FAM120A: variants seen among roughly 807,000 people sequenced by gnomAD.
FAM120A encodes family with sequence similarity 120 member A.
Under a neutral mutation model 109.7 loss-of-function variants are expected in FAM120A, and 15 were observed. That is an observed-to-expected ratio of 0.14 (90% CI 0.09 to 0.21). FAM120A has a LOEUF of 0.21. Ranked by LOEUF, FAM120A falls within the 10% of genes least tolerant of loss-of-function variation. The pLI is 1.00. For missense variants in FAM120A, 899 were observed against 1,439.3 expected (o/e 0.62, Z 6.07); for synonymous variants, 493 against 572.8 (o/e 0.86, Z 1.99).
At chr9:93,545,901 T>C (rs967580398) in intron 11 of FAM120A, among the ~76,000 whole-genome samples, 3 of 147,762 alleles carry the variant, frequency 2.0e-5, no homozygotes, top group Non-Finnish European at 4.5e-5. Context: ...TTCTCCTGCC[T>C]CAGCCTCCCA....
chr9:93,541,912 G>A (rs1331319027), intron 10 of FAM120A, among the ~76,000 whole-genome samples: 5 of 152,250 alleles, frequency 3.3e-5, no homozygotes, highest in South Asian at 4.1e-4. Context: ...GTATCCAAGT[G>A]TCTAACTCCT....
chr9:93,551,254 C>T (rs1282278700), intron 12 of FAM120A, among the ~76,000 whole-genome samples: 2 of 152,140 alleles, frequency 1.3e-5, no homozygotes, highest in South Asian at 2.1e-4. Context: ...ATTTTGCCTT[C>T]TAGTAATTCC....
intron 5 of FAM120A, among the ~76,000 whole-genome samples, chr9:93,514,736 C>G (rs55654600): frequency 0.077 from 11,693 of 152,268 alleles, 581 homozygotes; most frequent in Non-Finnish European, 0.1. Context: ...CTTGTTACTG[C>G]GGGTCTTGTG....
At position 93,475,370 on chromosome 9, in the gene FAM120A, C is replaced by T. The variant is rs570388249; in HGVS notation, c.722-886C>T. On this transcript the variant is annotated intron_variant, in intron 2 of 17. Coordinates refer to ENST00000277165, the MANE Select transcript of FAM120A (RefSeq NM_014612.5). ...ACAGACTTTACATCATTTTGGACTA[C>T]GGATGCTCAACCTATATTATAACGT... Among the ~76,000 whole-genome samples the T allele has an allele frequency of 5.3e-5, 8 of 152,258 alleles. No individual in the cohort carries two copies. In the South Asian group the frequency reaches 1.0e-3, roughly 20 times the overall value.
chr9:93,560,083 A>G (rs1862419299), intron 15 of FAM120A, among the ~76,000 whole-genome samples: 1 of 152,204 alleles, frequency 6.6e-6, no homozygotes. Flanking sequence ...TGCTTGAGGC[A>G]GGAGTTCAAG....
At chr9:93,484,395 G>A (rs1376352582) in intron 3 of FAM120A, among the ~76,000 whole-genome samples, 1 of 152,154 alleles carries the variant, frequency 6.6e-6, no homozygotes, top group East Asian at 1.9e-4. Context: ...GACCTGGAAT[G>A]GACGACCCTG....
At chr9:93,541,131 T>C (rs570127764) in intron 10 of FAM120A, among the ~76,000 whole-genome samples, 1 of 151,986 alleles carries the variant, frequency 6.6e-6, no homozygotes, top group South Asian at 2.1e-4. Context: ...AAATATGTGA[T>C]GTGTGCATGG....
At chr9:93,459,258 C>A (rs1252154014) in intron 1 of FAM120A, among the ~76,000 whole-genome samples, 1 of 152,224 alleles carries the variant, frequency 6.6e-6, no homozygotes, top group Non-Finnish European at 1.5e-5. Flanking sequence ...CCCGTAGGCT[C>A]CTTGAGGCCA....
chr9:93,536,786 A>T (rs774912828), intron 10 of FAM120A, among the ~76,000 whole-genome samples: 72 of 152,214 alleles, frequency 4.7e-4, no homozygotes, highest in Admixed American at 2.6e-4. Flanking sequence ...AAAAGAAAAA[A>T]AATTCTTTTG....
At chr9:93,456,553 A>G (rs1295974154) in intron 1 of FAM120A, among the ~76,000 whole-genome samples, 1 of 152,208 alleles carries the variant, frequency 6.6e-6, no homozygotes. Context: ...CTGGTATCAG[A>G]CCAGGTGCTT....
intron 3 of FAM120A, among the ~76,000 whole-genome samples, chr9:93,479,661 A>T (rs1858711387): frequency 6.6e-6 from 1 of 152,216 alleles, no homozygotes; most frequent in African/African-American, 2.4e-5. Context: ...GTAGTCGATA[A>T]TTTATGTGAT....
Position 93,529,447 on chromosome 9 carries a change from C to T in FAM120A, c.1601C>T (p.Ser534Leu), listed in dbSNP as rs375343661. Residue 534 changes from serine to leucine, a missense_variant, in exon 9 of 18, where the codon TCG becomes TTG. Physicochemically the swap from Ser to Leu is moderately radical, Grantham distance 145 (BLOSUM62 -2). Around this residue, in one of 11 missense-constraint regions of FAM120A, gnomAD observed 133 missense variants for 276.6 expected, o/e 0.48. Transcript: ENST00000277165. Reference protein sequence around the residue: ...GTVQPIPCLLSMPTRNHMDIT... With the variant: ...GTVQPIPCLLLMPTRNHMDIT... ...GTCCAGCCAATCCCGTGCCTCCTGT[C>T]GATGCCCACCAGGAACCACATGGAC... 2 of 1,614,210 alleles carry T rather than the reference C, an allele frequency of 1.2e-6. No individual in the cohort carries two copies. The highest frequency in any genetic ancestry group is 1.7e-6 in the Non-Finnish European group (2 of 1,180,030).
At chr9:93,539,595 G>A (rs1588896008) in intron 10 of FAM120A, among the ~76,000 whole-genome samples, 1 of 152,154 alleles carries the variant, frequency 6.6e-6, no homozygotes, top group South Asian at 2.1e-4. Context: ...GTCCCAGATG[G>A]TACCCACCCA....
intron 15 of FAM120A, 100 bp from the exon 16 acceptor site, chr9:93,561,009 T>C: frequency 7.3e-7 from 1 of 1,362,064 alleles, no homozygotes; most frequent in South Asian, 1.2e-5. Context: ...TCATAGTAAA[T>C]ATAAACCAAA....
At chr9:93,479,683 A>G (rs1275196637) in intron 3 of FAM120A, among the ~76,000 whole-genome samples, 1 of 152,222 alleles carries the variant, frequency 6.6e-6, no homozygotes, top group Non-Finnish European at 1.5e-5. Flanking sequence ...CCAAATCTTC[A>G]GTATGTTGGC....
chr9:93,489,430 T>A (rs1859214145), intron 3 of FAM120A, among the ~76,000 whole-genome samples: 1 of 152,192 alleles, frequency 6.6e-6, no homozygotes, highest in Admixed American at 6.5e-5. Flanking sequence ...CTTGGACTGG[T>A]GGCACTTTTT....
chr9:93,548,784 T>C (rs139431236), intron 11 of FAM120A, among the ~76,000 whole-genome samples: 2,229 of 152,286 alleles, frequency 0.015, 66 homozygotes, highest in African/African-American at 0.05. Flanking sequence ...GGCTCACGCC[T>C]GTAATCCCAG....
rs1406412770 is a variant in FAM120A at position 93,498,209 on chromosome 9, A to G, written c.934-581A>G. Among the ~76,000 whole-genome samples the G allele has an allele frequency of 6.6e-6, 1 of 152,194 alleles. No individual in the cohort carries two copies. The highest frequency in any genetic ancestry group is 1.5e-5 in the Non-Finnish European group (1 of 68,024). On this transcript the variant is annotated intron_variant, in intron 4 of 17. Transcript: ENST00000277165. This position sits in a 1 kb window ranked among gnomAD's most constrained non-coding sequence, Gnocchi z 4.4. ...GGAGTTTGAGACTAGCCTGGCCAAC[A>G]TGGTGAAACCCTGTCTCTATTAAAA...
At chr9:93,496,823 C>G (rs1260156918) in intron 3 of FAM120A, among the ~76,000 whole-genome samples, 1 of 152,208 alleles carries the variant, frequency 6.6e-6, no homozygotes, top group Non-Finnish European at 1.5e-5. Flanking sequence ...AACCTGTTAA[C>G]TTACGTTTTT....
Sources: gnomAD v4.1 joint callset for allele counts (sites outside exome capture counted in the v4.1 genomes callset) on GRCh38, gnomAD v4.1.1 for gene constraint, gnomAD v4.1.1 regional missense constraint, Gnocchi (gnomAD v3.1) non-coding constraint, MANE v1.5 for transcripts, NCBI Gene and HGNC (gene_info 2026-07-23, HGNC 2026-07-21) for gene names.